EEF2K: variants seen among roughly 807,000 people sequenced by gnomAD.
The protein encoded by EEF2K is alternative protein EEF2K.
EEF2K carries 70 observed loss-of-function variants against 93.8 expected under a neutral mutation model. The ratio of observed to expected loss-of-function variants is 0.75; its 90% CI spans 0.62 to 0.91. The LOEUF is 0.91. Ranked by LOEUF, EEF2K falls within the 40% of genes least tolerant of loss-of-function variation. The probability of loss-of-function intolerance (pLI) is 0.00; values close to 1 mark genes in which losing one functional copy is unlikely to be tolerated. For missense variants in EEF2K, 935 were observed against 972.9 expected (o/e 0.96, Z 0.52); for synonymous variants, 376 against 380.8 (o/e 0.99, Z 0.15).
intron 13 of EEF2K, among the ~76,000 whole-genome samples, chr16:22,265,555 T>C (rs774234561): frequency 1.2e-4 from 19 of 152,162 alleles, no homozygotes; most frequent in Non-Finnish European, 2.4e-4. Context: ...CCCAGAACAC[T>C]GATTATTTAC....
At chr16:22,266,582 CA>C in intron 14 of EEF2K, 58 bp downstream of exon 14, 1 of 1,604,424 alleles carries the variant, frequency 6.2e-7, no homozygotes, top group African/African-American at 1.3e-5. Context: ...CCCCCAGCTC[CA>C]GCCTCTCCTC....
chr16:22,214,019 G>A (rs752153971), intron 1 of EEF2K, among the ~76,000 whole-genome samples: 2 of 152,204 alleles, frequency 1.3e-5, no homozygotes, highest in East Asian at 1.9e-4. Context: ...TCTGCCTGCC[G>A]CAGACAGTCT....
At chr16:22,281,856 C>G (rs550460371) in intron 17 of EEF2K, among the ~76,000 whole-genome samples, 1 of 152,256 alleles carries the variant, frequency 6.6e-6, no homozygotes, top group Admixed American at 6.5e-5. Context: ...GGATATACAG[C>G]CTTTATCCAT....
intron 2 of EEF2K, among the ~76,000 whole-genome samples, chr16:22,230,362 C>T (rs1299420151): frequency 6.6e-6 from 1 of 151,798 alleles, no homozygotes; most frequent in South Asian, 2.1e-4. Flanking sequence ...CACAGGTGCA[C>T]GCCACTATGC....
chr16:22,266,938 C>T, intron 15 of EEF2K, 62 bp downstream of exon 15: 2 of 1,530,018 alleles, frequency 1.3e-6, no homozygotes, highest in South Asian at 1.3e-5. Flanking sequence ...CTGTGGTTCA[C>T]CTGCCTCCCA....
intron 13 of EEF2K, 74 bp from the exon 14 acceptor site, chr16:22,266,316 T>C: frequency 6.5e-7 from 1 of 1,544,924 alleles, no homozygotes; most frequent in African/African-American, 1.4e-5. Context: ...TCCTGTGTAG[T>C]AGGGGCTGCT....
At chr16:22,226,060 T>C in intron 2 of EEF2K, 85 bp downstream of exon 2, 5 of 1,556,612 alleles carry the variant, frequency 3.2e-6, no homozygotes, top group Non-Finnish European at 4.4e-6. Context: ...TGGGGACTTC[T>C]TCGTATTTCC....
intron 16 of EEF2K, among the ~76,000 whole-genome samples, chr16:22,274,539 CTA>C (rs2047616568): frequency 6.6e-6 from 1 of 151,742 alleles, no homozygotes; most frequent in Admixed American, 6.6e-5. Context: ...ATCTGAAAGA[CTA>C]TGCAGCATCC....
rs780865764 is a variant in EEF2K at position 22,273,713 on chromosome 16, C to T, written c.1852C>T (p.Arg618Ter). The change falls in exon 16 of 18, where the codon CGA becomes TGA. Residue 618 changes from arginine to a stop codon, truncating the protein, a stop_gained. Coordinates refer to ENST00000263026, the MANE Select transcript of EEF2K (RefSeq NM_013302.5). LOFTEE classifies it high-confidence loss of function. The part of the protein sequence containing the change: ...GDRQSMILVA[R>*]AFDSGQNLSP... ...CAGGCAGTCCATGATCCTAGTGGCG[C>T]GAGCTTTTGACTCTGGCCAGAACCT... 3.6e-5 allele frequency: 58 copies of T among 1,613,894 alleles called. No individual in the cohort carries two copies. The highest frequency in any genetic ancestry group is 4.1e-5 in the Non-Finnish European group (48 of 1,179,984).
intron 2 of EEF2K, among the ~76,000 whole-genome samples, chr16:22,240,580 T>C (rs2047212267): frequency 1.3e-5 from 2 of 152,166 alleles, no homozygotes; most frequent in South Asian, 2.1e-4. Context: ...CATTATTCAA[T>C]TGGAGGTTAG....
At chr16:22,261,762 T>C (rs1486055603) in intron 11 of EEF2K, among the ~76,000 whole-genome samples, 1 of 151,374 alleles carries the variant, frequency 6.6e-6, no homozygotes. Context: ...CCCAGCACTA[T>C]GGGAGGCTGA....
chr16:22,246,159 G>C (rs2047288761), intron 3 of EEF2K, among the ~76,000 whole-genome samples: 1 of 152,166 alleles, frequency 6.6e-6, no homozygotes, highest in South Asian at 2.1e-4. Flanking sequence ...TAACTTGCTG[G>C]AGCAGCTCAC....
chr16:22,278,160 T>C (rs1187171403), intron 16 of EEF2K, among the ~76,000 whole-genome samples: 1 of 152,084 alleles, frequency 6.6e-6, no homozygotes, highest in Non-Finnish European at 1.5e-5. Flanking sequence ...TGAGCTATGA[T>C]TGTGCCACTG....
rs149809625 is a variant in EEF2K at position 22,250,217 on chromosome 16, G to A, written c.409-437G>A. ...TAAGCCGCTGCTCCTGGTGCTGCAG[G>A]TGTTCTTTTGGTCAACATTTTGCAT... is the stretch of plus-strand genomic sequence containing the variant. On this transcript the variant is annotated intron_variant, in intron 4 of 17. Transcript: ENST00000263026. 6.1e-4 allele frequency among the ~76,000 whole-genome samples: 93 copies of A among 152,280 alleles called. No homozygotes were observed. The Middle Eastern group carries it at 0.01, about 17-fold the overall frequency.
At chr16:22,263,304 G>T in intron 12 of EEF2K, 117 bp downstream of exon 12, 1 of 895,734 alleles carries the variant, frequency 1.1e-6, no homozygotes, top group Non-Finnish European at 1.6e-6. Context: ...AAGATAACAA[G>T]TAAATTAATA....
At chr16:22,263,887 C>T (rs1343058140) in intron 12 of EEF2K, among the ~76,000 whole-genome samples, 1 of 152,220 alleles carries the variant, frequency 6.6e-6, no homozygotes, top group Non-Finnish European at 1.5e-5. Context: ...CTGGTGAGGG[C>T]AACCTCAGAC....
Position 22,288,684 on chromosome 16 carries a change from A to T in EEF2K, c.*4688A>T, listed in dbSNP as rs2047771832. On this transcript the variant is annotated 3_prime_UTR_variant, in exon 18 of 18. Coordinates refer to ENST00000263026, the MANE Select transcript of EEF2K (RefSeq NM_013302.5). The stretch of plus-strand genomic sequence containing the variant: ...GCCTGCGTTACAGATTTATTTTGGC[A>T]TATGTACTAAGTTCCATTTTCTCTT... 6.6e-6 allele frequency: 1 copy of T among 151,958 alleles called. No homozygotes were observed. The highest frequency in any genetic ancestry group is 1.5e-5 in the Non-Finnish European group (1 of 68,024). 9.4% of individuals were successfully genotyped at this position (151,958 alleles called of 1,614,324 possible). A position where few individuals can be genotyped will look rare whatever the true frequency, so the allele number is the denominator to read the frequency against.
At chr16:22,211,262 C>G (rs2046910843) in intron 1 of EEF2K, among the ~76,000 whole-genome samples, 1 of 152,178 alleles carries the variant, frequency 6.6e-6, no homozygotes, top group Non-Finnish European at 1.5e-5. Flanking sequence ...CCCCAGCATT[C>G]CTCAGCTGAC....
At chr16:22,218,505 C>T (rs1407490879) in intron 1 of EEF2K, among the ~76,000 whole-genome samples, 3 of 152,170 alleles carry the variant, frequency 2.0e-5, no homozygotes, top group Admixed American at 2.0e-4. Flanking sequence ...AGGCCTTGAC[C>T]TGAGCATTGC....
Sources: gnomAD v4.1 joint callset for allele counts (sites outside exome capture counted in the v4.1 genomes callset) on GRCh38, gnomAD v4.1.1 for gene constraint, MANE v1.5 for transcripts, NCBI Gene and HGNC (gene_info 2026-07-23, HGNC 2026-07-21) for gene names.